The following AMBRA1 variants were observed in gnomAD, a reference collection of about 807,000 sequenced individuals.
AMBRA1 encodes the protein autophagy and beclin 1 regulator 1, also known as activating molecule in BECN1-regulated autophagy protein 1.
AMBRA1 carries 47 observed loss-of-function variants against 125.4 expected under a neutral mutation model. The observed-to-expected ratio is 0.37, with a 90% CI of 0.30 to 0.48. The LOEUF is 0.48. Among genes scored for constraint, AMBRA1 ranks in the 20% least tolerant of loss-of-function variants. The pLI, the probability that AMBRA1 is intolerant of heterozygous loss-of-function variation, is 0.99. For synonymous variants in AMBRA1, 626 were observed against 655.5 expected, an observed-to-expected ratio of 0.95 and a Z score of 0.69; for missense variants, 1,331 against 1,693.4, an observed-to-expected ratio of 0.79 and a Z score of 3.76.
At chr11:46,428,879 G>A (rs1000522279) in intron 14 of AMBRA1, 19 of 1,611,732 alleles carry the variant, frequency 1.2e-5, no homozygotes, top group Admixed American at 1.7e-5. Context: ...TAGGATGGCA[G>A]GCACAATCTC....
At chr11:46,484,966 T>G (rs192592506) in intron 11 of AMBRA1, among the ~76,000 whole-genome samples, 1,504 of 148,508 alleles carry the variant, frequency 0.01, 16 homozygotes, top group Non-Finnish European at 0.015. Context: ...AGACAAAATC[T>G]CACTCTTGTC....
intron 7 of AMBRA1, among the ~76,000 whole-genome samples, chr11:46,519,610 G>A (rs973722074): frequency 6.6e-6 from 1 of 152,212 alleles, no homozygotes; most frequent in African/African-American, 2.4e-5. Context: ...GGTGCCCCAT[G>A]CCTAATGAAT....
intron 11 of AMBRA1, among the ~76,000 whole-genome samples, chr11:46,460,414 C>T (rs765429238): frequency 2.0e-5 from 3 of 151,962 alleles, no homozygotes; most frequent in Non-Finnish European, 1.5e-5. Context: ...CTCCGCCTCC[C>T]GGGTTCCCAC....
At chr11:46,532,782 A>G (rs1952277020) in intron 7 of AMBRA1, among the ~76,000 whole-genome samples, 1 of 152,252 alleles carries the variant, frequency 6.6e-6, no homozygotes, top group Admixed American at 6.5e-5. Context: ...TCAGTTAAAT[A>G]AAACAGGAAA....
intron 1 of AMBRA1, among the ~76,000 whole-genome samples, chr11:46,566,111 T>C (rs1023508774): frequency 1.3e-5 from 2 of 152,098 alleles, no homozygotes; most frequent in East Asian, 1.9e-4. Context: ...CATGAAATAC[T>C]GTGTAGCAAT....
In AMBRA1 at chr11:46,568,463, A is replaced by C. The variant is rs2043621533; in HGVS notation, c.-120-19963T>G. Among the ~76,000 whole-genome samples, 3 of 151,616 alleles carry C rather than the reference A, an allele frequency of 2.0e-5. 1 individual carries two copies. Among genetic ancestry groups the C allele is most frequent in the African/African-American group, 7.3e-5 (3 of 41,220 alleles). On this transcript the variant is annotated intron_variant, in intron 1 of 17. Transcript: ENST00000683756. ...ACAAGAGAGAAACTCAAAAACAAAA[A>C]ACAAAAAACAAAAAACAAAAAAAAA...
At chr11:46,553,249 C>A (rs926946877) in intron 1 of AMBRA1, among the ~76,000 whole-genome samples, 11 of 151,982 alleles carry the variant, frequency 7.2e-5, no homozygotes, top group Admixed American at 7.2e-4. Context: ...GGCCACCATT[C>A]ACTTTTTTAA....
At chr11:46,424,145 G>A (rs1311129197) in intron 14 of AMBRA1, among the ~76,000 whole-genome samples, 1 of 151,876 alleles carries the variant, frequency 6.6e-6, no homozygotes, top group Non-Finnish European at 1.5e-5. Context: ...AAAATAACAA[G>A]TCACCTAACT....
chr11:46,572,232 C>T (rs1422664635), intron 1 of AMBRA1, among the ~76,000 whole-genome samples: 7 of 151,872 alleles, frequency 4.6e-5, no homozygotes, highest in Admixed American at 3.9e-4. Context: ...ACCCGGGAGG[C>T]GGAGGTTGCA....
At chr11:46,454,738 G>A (rs1225579382) in intron 11 of AMBRA1, among the ~76,000 whole-genome samples, 1 of 151,704 alleles carries the variant, frequency 6.6e-6, no homozygotes, top group Non-Finnish European at 1.5e-5. Context: ...GTGACAGAGC[G>A]AGACTCCATC....
intron 7 of AMBRA1, among the ~76,000 whole-genome samples, chr11:46,528,420 C>T (rs1397540135): frequency 2.0e-5 from 3 of 152,206 alleles, no homozygotes; most frequent in African/African-American, 7.2e-5. Flanking sequence ...CTCTGCCTGC[C>T]TTGGACTCCC....
At chr11:46,488,415 CACTGGGCA>C (rs1950336556) in intron 11 of AMBRA1, among the ~76,000 whole-genome samples, 1 of 151,440 alleles carries the variant, frequency 6.6e-6, no homozygotes, top group Non-Finnish European at 1.5e-5. Flanking sequence ...GAGATTGCAT[CACTGGGCA>C]ACAGAGCGAG....
At chr11:46,513,727 CA>C (rs907815623) in intron 7 of AMBRA1, among the ~76,000 whole-genome samples, 36 of 152,288 alleles carry the variant, frequency 2.4e-4, no homozygotes, top group African/African-American at 8.4e-4. Flanking sequence ...TGGAGACTGA[CA>C]AACAGGAAGG....
intron 15 of AMBRA1, among the ~76,000 whole-genome samples, chr11:46,414,213 G>A (rs962792114): frequency 6.6e-6 from 1 of 152,156 alleles, no homozygotes; most frequent in African/African-American, 2.4e-5. Context: ...TCAGTGACAC[G>A]ACGGGAGAGG....
At chr11:46,478,648 C>T (rs1221270258) in intron 11 of AMBRA1, among the ~76,000 whole-genome samples, 11 of 82,170 alleles carry the variant, frequency 1.3e-4, no homozygotes, top group Admixed American at 1.8e-4. Context: ...TCTTTTTTCT[C>T]TTTTTTTTTT....
intron 1 of AMBRA1, among the ~76,000 whole-genome samples, chr11:46,561,600 A>G (rs868084596): frequency 2.0e-5 from 3 of 152,006 alleles, no homozygotes; most frequent in African/African-American, 7.3e-5. Flanking sequence ...CCAGAGCTAC[A>G]CTCCCAGTCC....
At chr11:46,536,128 C>T (rs1162010290) in intron 7 of AMBRA1, among the ~76,000 whole-genome samples, 3 of 152,162 alleles carry the variant, frequency 2.0e-5, no homozygotes, top group African/African-American at 7.2e-5. Flanking sequence ...AAAGGCCAAA[C>T]AGGACTTATA....
intron 17 of AMBRA1, among the ~76,000 whole-genome samples, chr11:46,398,930 T>C (rs987742500): frequency 1.3e-5 from 2 of 151,440 alleles, no homozygotes; most frequent in African/African-American, 4.9e-5. Context: ...TGCACCATCA[T>C]ACCTGGCTCA....
chr11:46,490,662 C>G (rs909072364), intron 11 of AMBRA1, among the ~76,000 whole-genome samples: 1 of 152,130 alleles, frequency 6.6e-6, no homozygotes, highest in Admixed American at 6.5e-5. Flanking sequence ...CCCTCCAGGT[C>G]TGCCAAATTT....
Sources: gnomAD v4.1 joint callset for allele counts (sites outside exome capture counted in the v4.1 genomes callset) on GRCh38, gnomAD v4.1.1 for gene constraint, MANE v1.5 for transcripts, NCBI Gene and HGNC (gene_info 2026-07-23, HGNC 2026-07-21) for gene names.